Variants in TENM2 observed in about 807,000 individuals in gnomAD.
The protein encoded by TENM2 is teneurin transmembrane protein 2.
In TENM2, 52 loss-of-function variants were observed where a neutral mutation model predicts 245.2. That is an observed-to-expected ratio of 0.21 (90% CI 0.17 to 0.27). The LOEUF (loss-of-function observed/expected upper bound fraction) is 0.27. Among genes scored for constraint, TENM2 ranks in the 10% least tolerant of loss-of-function variants. TENM2 has a pLI of 1.00. For synonymous variants in TENM2, 1,363 were observed against 1,438.9 expected, an observed-to-expected ratio of 0.95 and a Z score of 1.19; for missense variants, 3,046 against 3,666.8, an observed-to-expected ratio of 0.83 and a Z score of 4.37.
intron 2 of TENM2, among the ~76,000 whole-genome samples, chr5:167,565,658 T>A (rs1266415566): frequency 6.6e-6 from 1 of 152,214 alleles, no homozygotes; most frequent in Non-Finnish European, 1.5e-5. Flanking sequence ...TATCAGAAAC[T>A]TGGAGATACT....
intron 8 of TENM2, among the ~76,000 whole-genome samples, chr5:168,092,220 T>C (rs1355816800): frequency 6.6e-6 from 1 of 152,206 alleles, no homozygotes; most frequent in Non-Finnish European, 1.5e-5. Context: ...AGAGTTTTGG[T>C]ACTGACCATG....
At chr5:167,950,126 A>C (rs1779964294) in intron 3 of TENM2, among the ~76,000 whole-genome samples, 1 of 152,168 alleles carries the variant, frequency 6.6e-6, no homozygotes, top group Admixed American at 6.5e-5. Flanking sequence ...CTTTCTCATT[A>C]GGATAAATGA....
intron 20 of TENM2, among the ~76,000 whole-genome samples, chr5:168,213,456 A>G (rs1762938559): frequency 6.6e-6 from 1 of 152,106 alleles, no homozygotes; most frequent in African/African-American, 2.4e-5. Flanking sequence ...AATGCATCCA[A>G]TGCTGTCATC....
At chr5:167,850,471 G>A (rs753614406) in intron 2 of TENM2, among the ~76,000 whole-genome samples, 134 of 152,080 alleles carry the variant, frequency 8.8e-4, no homozygotes, top group Non-Finnish European at 6.9e-4. Flanking sequence ...GAACAGACTC[G>A]GGACTGTACT....
intron 5 of TENM2, among the ~76,000 whole-genome samples, chr5:168,016,399 A>G (rs1785658877): frequency 6.6e-6 from 1 of 152,246 alleles, no homozygotes; most frequent in Admixed American, 6.5e-5. Flanking sequence ...TCCTGAAAGC[A>G]GCAGCTTCAT....
intron 2 of TENM2, among the ~76,000 whole-genome samples, chr5:167,635,633 C>CGTTTTTTTTTT (rs1779148477): frequency 1.3e-5 from 1 of 74,962 alleles, no homozygotes; most frequent in Non-Finnish European, 2.3e-5. Flanking sequence ...TCAGTACAGT[C>CGTTTTTTTTTT]TTTTTTTTTT....
intron 2 of TENM2, among the ~76,000 whole-genome samples, chr5:167,493,517 T>C (rs1240473770): frequency 1.3e-5 from 2 of 152,094 alleles, no homozygotes; most frequent in Non-Finnish European, 2.9e-5. Flanking sequence ...GGGTATCAAA[T>C]AAAACATAGA....
chr5:168,190,572 C>G (rs1295475328), intron 14 of TENM2, 25 bp downstream of exon 16: 6 of 1,587,496 alleles, frequency 3.8e-6, no homozygotes, highest in Non-Finnish European at 5.2e-6. Context: ...TCCCTGCAAA[C>G]TCCTGAAGTC....
intron 3 of TENM2, among the ~76,000 whole-genome samples, chr5:167,934,634 T>C (rs1438654548): frequency 6.6e-6 from 1 of 152,200 alleles, no homozygotes; most frequent in East Asian, 1.9e-4. Flanking sequence ...CAATGAGACA[T>C]GTCGAGAGCC....
chr5:167,844,452 A>G (rs1769845847), intron 2 of TENM2, among the ~76,000 whole-genome samples: 1 of 152,200 alleles, frequency 6.6e-6, no homozygotes, highest in African/African-American at 2.4e-5. Flanking sequence ...TGCTGCAGGA[A>G]CCTTGTCATT....
intron 8 of TENM2, among the ~76,000 whole-genome samples, chr5:168,097,175 G>A (rs892150688): frequency 4.6e-5 from 7 of 152,074 alleles, no homozygotes; most frequent in African/African-American, 1.7e-4. Context: ...ATTCCTTAAA[G>A]CAAGGAATAT....
chr5:167,869,594 C>T (rs757279761), intron 2 of TENM2, among the ~76,000 whole-genome samples: 4 of 152,192 alleles, frequency 2.6e-5, no homozygotes, highest in East Asian at 1.9e-4. Context: ...GTGGTGAATG[C>T]GATGAGATGG....
intron 2 of TENM2, among the ~76,000 whole-genome samples, chr5:167,666,198 T>C (rs1361519760): frequency 1.3e-5 from 2 of 152,202 alleles, no homozygotes; most frequent in African/African-American, 4.8e-5. Context: ...AGGCACACAC[T>C]TAACATTTTT....
chr5:167,798,659 C>T (rs1011402665), intron 2 of TENM2, among the ~76,000 whole-genome samples: 10 of 152,092 alleles, frequency 6.6e-5, no homozygotes, highest in African/African-American at 2.2e-4. Flanking sequence ...TGCCTAGGGC[C>T]GGCCCTGCTT....
chr5:167,779,737 C>T lies in TENM2; in HGVS notation c.503-96249C>T, dbSNP rs556440795. ...AAGTAACATACCAGAACAAACAAGTCTCAGAGAGAAAGGCTTTCTGTAACA... is the reference window on the plus strand; with the variant it reads ...AAGTAACATACCAGAACAAACAAGTTTCAGAGAGAAAGGCTTTCTGTAACA... On this transcript the variant is annotated intron_variant, in intron 2 of 28. Coordinates refer to ENST00000518659, the Ensembl canonical transcript of TENM2. Among the ~76,000 whole-genome samples the T allele has an allele frequency of 2.0e-5, 3 of 152,310 alleles. No individual in the cohort carries two copies. The South Asian group carries it at 6.2e-4, about 32-fold the overall frequency.
chr5:167,066,099 C>A, the TENM2 span, among the ~76,000 whole-genome samples: 1 of 152,136 alleles, frequency 6.6e-6, no homozygotes, highest in Non-Finnish European at 1.5e-5. Context: ...GGAAAGAATT[C>A]ATTTGCCTCC....
At chr5:168,036,644 AT>A (rs11289105) in intron 5 of TENM2, among the ~76,000 whole-genome samples, 31,711 of 109,466 alleles carry the variant, frequency 0.29, 4,901 homozygotes, top group East Asian at 0.42. Flanking sequence ...CAAAAAAAAA[AT>A]ATATATATAT....
chr5:168,020,198 C>T (rs1162281742), intron 5 of TENM2, among the ~76,000 whole-genome samples: 1 of 152,172 alleles, frequency 6.6e-6, no homozygotes, highest in Non-Finnish European at 1.5e-5. Context: ...ATATACTTGC[C>T]ACTTTGCTAC....
intron 2 of TENM2, among the ~76,000 whole-genome samples, chr5:167,771,824 A>G (rs1561763756): frequency 6.6e-6 from 1 of 152,214 alleles, no homozygotes; most frequent in Admixed American, 6.5e-5. Flanking sequence ...TCAGAGCCAA[A>G]AACTCATCTT....
Sources: allele counts gnomAD v4.1 joint callset (sites outside exome capture counted in the v4.1 genomes callset), GRCh38; gene constraint gnomAD v4.1.1; transcripts MANE v1.5; gene names NCBI Gene and HGNC (gene_info 2026-07-23, HGNC 2026-07-21).